Variants in HK1 observed in about 807,000 individuals in gnomAD.
HK1 encodes the protein hexokinase 1.
HK1 carries 28 observed loss-of-function variants against 91.6 expected under a neutral mutation model. That is an observed-to-expected ratio of 0.31 (90% CI 0.23 to 0.42). The LOEUF (loss-of-function observed/expected upper bound fraction) is 0.42, where lower values mean the gene tolerates loss of function less well. Ranked by LOEUF, HK1 falls within the 10% of genes least tolerant of loss-of-function variation. The pLI, the probability that HK1 is intolerant of heterozygous loss-of-function variation, is 1.00. For missense variants in HK1, 770 were observed against 1,219.8 expected, an observed-to-expected ratio of 0.63 and a Z score of 5.49; for synonymous variants, 430 against 468.1, an observed-to-expected ratio of 0.92 and a Z score of 1.05.
intron 14 of HK1, among the ~76,000 whole-genome samples, chr10:69,390,499 A>G (rs867259184): frequency 6.6e-6 from 1 of 152,180 alleles, no homozygotes; most frequent in Non-Finnish European, 1.5e-5. Context: ...CACTCCCATC[A>G]TCTTCCGTTT....
intron 1 of HK1, among the ~76,000 whole-genome samples, chr10:69,275,414 C>CAATTTAAATTTGTACAAATTAA (rs1020960203): frequency 1.3e-5 from 2 of 151,252 alleles, no homozygotes; most frequent in African/African-American, 4.9e-5. Context: ...TAAATTTGTA[C>CAATTTAAATTTGTACAAATTAA]ATTTGTAATT....
intron 1 of HK1, chr10:69,338,695 G>A: frequency 7.8e-7 from 1 of 1,279,238 alleles, no homozygotes. Context: ...GTGTGTGTGT[G>A]TGTGTGTGTG....
At chr10:69,326,488 G>T (rs558952745) in intron 1 of HK1, among the ~76,000 whole-genome samples, 3 of 152,120 alleles carry the variant, frequency 2.0e-5, no homozygotes, top group Non-Finnish European at 4.4e-5. Flanking sequence ...TTCTAAGGTC[G>T]AAAGAAAATC....
chr10:69,277,074 C>T (rs1257264774), intron 1 of HK1, among the ~76,000 whole-genome samples: 1 of 152,148 alleles, frequency 6.6e-6, no homozygotes, highest in African/African-American at 2.4e-5. Flanking sequence ...GGGTTTAAAT[C>T]ACTGAGAATA....
chr10:69,299,613 C>T (rs1197039989), intron 4 of HK1, among the ~76,000 whole-genome samples: 1 of 151,540 alleles, frequency 6.6e-6, no homozygotes, highest in Non-Finnish European at 1.5e-5. Flanking sequence ...GATTGCCCAG[C>T]TCGGCCTCCC....
chr10:69,311,028 G>A (rs1440870431), upstream of HK1, among the ~76,000 whole-genome samples: 2 of 150,776 alleles, frequency 1.3e-5, no homozygotes, highest in Non-Finnish European at 2.9e-5. Flanking sequence ...CTGCACTTCA[G>A]CCTGGGCAAC....
At chr10:69,399,519 A>G (rs975243200) in intron 17 of HK1, among the ~76,000 whole-genome samples, 1 of 152,258 alleles carries the variant, frequency 6.6e-6, no homozygotes, top group East Asian at 1.9e-4. Context: ...TTCAAAAAAT[A>G]AAATAGGAAA....
At chr10:69,328,594 C>T (rs1485774070) in intron 1 of HK1, among the ~76,000 whole-genome samples, 2 of 152,192 alleles carry the variant, frequency 1.3e-5, no homozygotes, top group Non-Finnish European at 2.9e-5. Flanking sequence ...CAGCATTCAG[C>T]CTCATCAAGG....
At chr10:69,345,838 G>C (rs2132692754) in intron 2 of HK1, among the ~76,000 whole-genome samples, 1 of 152,294 alleles carries the variant, frequency 6.6e-6, no homozygotes, top group South Asian at 2.1e-4. Flanking sequence ...CCAGCCATTT[G>C]CCATATTGGC....
chr10:69,394,155 G>A (rs1747549550), intron 15 of HK1, among the ~76,000 whole-genome samples: 2 of 152,204 alleles, frequency 1.3e-5, no homozygotes, highest in African/African-American at 4.8e-5. Context: ...TTGGGACACT[G>A]GGCTTGGGCA....
At chr10:69,370,918 C>T (rs1440052425) in intron 7 of HK1, among the ~76,000 whole-genome samples, 1 of 152,186 alleles carries the variant, frequency 6.6e-6, no homozygotes, top group African/African-American at 2.4e-5. Context: ...ATGCTGCTAG[C>T]TCTCTCTGAT....
intron 2 of HK1, among the ~76,000 whole-genome samples, chr10:69,354,486 T>C (rs1849033944): frequency 6.6e-6 from 1 of 151,970 alleles, no homozygotes; most frequent in Non-Finnish European, 1.5e-5. Flanking sequence ...AACCATAAGG[T>C]CTCATGAGAA....
chr10:69,327,000 C>CTTTTTTTTT (rs1042738695), intron 1 of HK1, among the ~76,000 whole-genome samples: 5 of 110,928 alleles, frequency 4.5e-5, no homozygotes, highest in Non-Finnish European at 7.4e-5. Flanking sequence ...TGGTTTTAAA[C>CTTTTTTTTT]TTTTTTTTTT....
intron 2 of HK1, among the ~76,000 whole-genome samples, chr10:69,352,022 T>C (rs1589526854): frequency 6.6e-6 from 1 of 151,744 alleles, no homozygotes; most frequent in Admixed American, 6.6e-5. Context: ...AGACAGAGTC[T>C]TGCTCTGTTG....
intron 3 of HK1, among the ~76,000 whole-genome samples, chr10:69,295,018 A>AGC (rs1845487612): frequency 6.9e-6 from 1 of 145,958 alleles, no homozygotes; most frequent in Admixed American, 6.8e-5. Flanking sequence ...CAACAGAGAG[A>AGC]GAGAGAGAGA....
intron 1 of HK1, among the ~76,000 whole-genome samples, chr10:69,326,815 T>C (rs992618892): frequency 6.6e-6 from 1 of 152,180 alleles, no homozygotes; most frequent in Non-Finnish European, 1.5e-5. Context: ...CCTTCGGAGG[T>C]GACCTCTGTC....
chr10:69,283,808 A>AAAG (rs1554875980), intron 2 of HK1, among the ~76,000 whole-genome samples: 1 of 144,704 alleles, frequency 6.9e-6, no homozygotes, highest in Non-Finnish European at 1.5e-5. Flanking sequence ...CAAAAAAAAA[A>AAAG]AAAAAAAAAG....
At chr10:69,293,548 C>T (rs375426741) in intron 3 of HK1, among the ~76,000 whole-genome samples, 1 of 152,178 alleles carries the variant, frequency 6.6e-6, no homozygotes, top group Non-Finnish European at 1.5e-5. Flanking sequence ...TACTTAGTGG[C>T]TTAAAACAAT....
At chr10:69,337,093 T>G (rs1429433276) in intron 1 of HK1, among the ~76,000 whole-genome samples, 1 of 152,158 alleles carries the variant, frequency 6.6e-6, no homozygotes. Flanking sequence ...AGTGGAGGAT[T>G]TATTATCTCC....
Sources: allele counts gnomAD v4.1 joint callset (sites outside exome capture counted in the v4.1 genomes callset), GRCh38; gene constraint gnomAD v4.1.1; transcripts MANE v1.5; gene names NCBI Gene and HGNC (gene_info 2026-07-23, HGNC 2026-07-21).